Variants in CAST observed in about 807,000 individuals in gnomAD.
CAST encodes calpastatin.
In CAST, 76 loss-of-function variants were observed where a neutral mutation model predicts 119.6. The ratio of observed to expected loss-of-function variants is 0.64; its 90% CI spans 0.53 to 0.77. The LOEUF (loss-of-function observed/expected upper bound fraction) is 0.77, where lower values mean the gene tolerates loss of function less well. Ranked by LOEUF, CAST falls within the 30% of genes least tolerant of loss-of-function variation. The pLI is 0.00. For missense variants in CAST, 953 were observed against 946.5 expected (o/e 1.01, Z -0.09); for synonymous variants, 319 against 331.6 (o/e 0.96, Z 0.41).
chr5:96,562,228 A>T lies in CAST; in HGVS notation c.60+32348A>T, dbSNP rs113174059. On this transcript the variant is annotated intron_variant, in intron 1 of 11. Coordinates refer to the CAST transcript ENST00000505143. ...ACACAAATCCATAGGGTAAAATATT[A>T]TAAAAACTCAAGAGAAATGACAACT... Among the ~76,000 whole-genome samples, 1,021 of 152,230 alleles carry T rather than the reference A, an allele frequency of 6.7e-3. 13 individuals are homozygous for T. Among genetic ancestry groups the T allele is most frequent in the African/African-American group, 0.023 (953 of 41,530 alleles).
rs1181529958 is a variant in CAST at position 96,692,178 on chromosome 5, G to T, written c.139-3658G>T. 3.3e-5 allele frequency among the ~76,000 whole-genome samples: 5 copies of T among 152,164 alleles called. 1 individual carries two copies. The highest frequency in any genetic ancestry group is 5.9e-5 in the Non-Finnish European group (4 of 68,034). On this transcript the variant is annotated intron_variant, in intron 2 of 31. Transcript: ENST00000675179. ...AGCCCTATCACTAGTTAGTGAGTATGCAGATCTAGTGAGCTAAGAGATCTG... is the reference window on the plus strand; with the variant it reads ...AGCCCTATCACTAGTTAGTGAGTATTCAGATCTAGTGAGCTAAGAGATCTG...
At chr5:96,598,867 G>T (rs1251236108) in intron 1 of CAST, among the ~76,000 whole-genome samples, 1 of 152,148 alleles carries the variant, frequency 6.6e-6, no homozygotes, top group South Asian at 2.1e-4. Context: ...ACTGCTTTGG[G>T]CTGGGACATT....
At chr5:96,753,368 T>C (rs940509413) in intron 20 of CAST, among the ~76,000 whole-genome samples, 2 of 152,190 alleles carry the variant, frequency 1.3e-5, no homozygotes, top group African/African-American at 4.8e-5. Flanking sequence ...GACCTACTAA[T>C]GTACAGACGA....
the CAST span, among the ~76,000 whole-genome samples, chr5:96,361,620 C>G: frequency 2.0e-5 from 3 of 152,096 alleles, no homozygotes; most frequent in African/African-American, 7.2e-5. Context: ...CCATGTGAGA[C>G]GATGCCCCAC....
chr5:96,740,156 C>A (rs1295274293), intron 12 of CAST, 38 bp downstream of exon 12: 1 of 893,698 alleles, frequency 1.1e-6, no homozygotes, highest in Non-Finnish European at 1.8e-6. Flanking sequence ...TTCACTGTTT[C>A]CTCTTTAGAA....
At chr5:96,412,613 T>C in the CAST span, 19 of 855,050 alleles carry the variant, frequency 2.2e-5, no homozygotes, top group Non-Finnish European at 3.1e-5. Flanking sequence ...AGGTAACTAC[T>C]AGATAGATGT....
intron 1 of CAST, among the ~76,000 whole-genome samples, chr5:96,561,821 C>G (rs1311214111): frequency 1.3e-3 from 34 of 25,936 alleles, no homozygotes; most frequent in South Asian, 8.2e-3. Flanking sequence ...GAGACGGAGT[C>G]TCGCTCTGTC....
intron 24 of CAST, chr5:96,761,599 T>C (rs1180046355): frequency 6.6e-6 from 1 of 152,360 alleles, no homozygotes; most frequent in Non-Finnish European, 1.5e-5. Flanking sequence ...GACTTTTTTC[T>C]GGTTTTTCAT....
intron 1 of CAST, among the ~76,000 whole-genome samples, chr5:96,620,409 T>C (rs1747580799): frequency 2.0e-5 from 3 of 152,154 alleles, no homozygotes; most frequent in Non-Finnish European, 4.4e-5. Flanking sequence ...TTTCTGAGGC[T>C]AGCAGTATGC....
At chr5:96,559,639 A>G (rs1363327549) in intron 1 of CAST, among the ~76,000 whole-genome samples, 1 of 152,208 alleles carries the variant, frequency 6.6e-6, no homozygotes, top group Non-Finnish European at 1.5e-5. Flanking sequence ...TAGGAATCCA[A>G]CTTACAAGGG....
the CAST span, among the ~76,000 whole-genome samples, chr5:96,167,903 G>C: frequency 2.0e-5 from 3 of 152,134 alleles, no homozygotes; most frequent in Non-Finnish European, 4.4e-5. Context: ...GGGGGGGCCT[G>C]AACAATCCCT....
At chr5:96,721,867 G>C (rs26518) in intron 3 of CAST, among the ~76,000 whole-genome samples, 33,235 of 152,032 alleles carry the variant, frequency 0.22, 3,711 homozygotes, top group East Asian at 0.34. Context: ...GCATCTCAAG[G>C]AAGGGTGTTC....
chr5:96,083,568 T>C, the CAST span, among the ~76,000 whole-genome samples: 94 of 152,302 alleles, frequency 6.2e-4, 3 homozygotes, highest in South Asian at 0.019. Flanking sequence ...AATTAACATG[T>C]CTATTTTAGG....
chr5:96,747,419 C>T (rs1372327230), intron 18 of CAST, 27 bp downstream of exon 18: 2 of 1,435,224 alleles, frequency 1.4e-6, no homozygotes, highest in African/African-American at 2.8e-5. Context: ...TTTTCTGATA[C>T]TTAAAGAACA....
the CAST span, among the ~76,000 whole-genome samples, chr5:96,361,614 G>A: frequency 6.6e-6 from 1 of 152,106 alleles, no homozygotes; most frequent in African/African-American, 2.4e-5. Context: ...CACTTCCCAT[G>A]TGAGACGATG....
the CAST span, among the ~76,000 whole-genome samples, chr5:96,128,178 C>A: frequency 6.6e-6 from 1 of 152,092 alleles, no homozygotes; most frequent in African/African-American, 2.4e-5. Flanking sequence ...CTGTTCCCTT[C>A]GTGTAATTAG....
chr5:95,969,050 G>A, the CAST span, among the ~76,000 whole-genome samples: 4 of 152,174 alleles, frequency 2.6e-5, no homozygotes, highest in African/African-American at 9.7e-5. Flanking sequence ...TGCGATAATG[G>A]GAGTATTAAA....
chr5:96,126,688 A>G, the CAST span, among the ~76,000 whole-genome samples: 2 of 152,158 alleles, frequency 1.3e-5, no homozygotes, highest in African/African-American at 4.8e-5. Context: ...CACAATAATT[A>G]TAGTTATTTG....
At chr5:96,626,034 C>A (rs1190786103) in intron 1 of CAST, among the ~76,000 whole-genome samples, 1 of 152,190 alleles carries the variant, frequency 6.6e-6, no homozygotes, top group East Asian at 1.9e-4. Flanking sequence ...GCCGTGTCCG[C>A]CTTGTCCTCC....
Sources: gnomAD v4.1 joint callset for allele counts (sites outside exome capture counted in the v4.1 genomes callset) on GRCh38, gnomAD v4.1.1 for gene constraint, MANE v1.5 for transcripts, NCBI Gene and HGNC (gene_info 2026-07-23, HGNC 2026-07-21) for gene names.